The following ADCY2 variants were observed in gnomAD, a reference collection of about 807,000 sequenced individuals.
The protein encoded by ADCY2 is adenylate cyclase 2.
In ADCY2, 31 loss-of-function variants were observed where a neutral mutation model predicts 125.2. That is an observed-to-expected ratio of 0.25 (90% CI 0.19 to 0.33). The LOEUF (loss-of-function observed/expected upper bound fraction) is 0.33, where lower values mean the gene tolerates loss of function less well. Among genes scored for constraint, ADCY2 ranks in the 10% least tolerant of loss-of-function variants. The pLI is 1.00. For synonymous variants in ADCY2, 512 were observed against 548.4 expected, an observed-to-expected ratio of 0.93 and a Z score of 0.93; for missense variants, 904 against 1,418.2, an observed-to-expected ratio of 0.64 and a Z score of 5.82.
chr5:7,519,274 A>G (rs16878741), intron 2 of ADCY2, among the ~76,000 whole-genome samples: 19,802 of 152,230 alleles, frequency 0.13, 1,478 homozygotes, highest in African/African-American at 0.18. Context: ...TAAATCCGTC[A>G]GGAGCCTAGC....
At chr5:7,739,837 G>A (rs1168279841) in intron 14 of ADCY2, among the ~76,000 whole-genome samples, 1 of 151,858 alleles carries the variant, frequency 6.6e-6, no homozygotes, top group African/African-American at 2.4e-5. Flanking sequence ...TGAGTTTCTT[G>A]AAAAGACTAT....
chr5:7,669,490 T>C (rs540117545), intron 4 of ADCY2, among the ~76,000 whole-genome samples: 10 of 152,324 alleles, frequency 6.6e-5, no homozygotes, highest in Non-Finnish European at 1.2e-4. Flanking sequence ...TTGGTATCCC[T>C]GGCCAAGGAA....
At chr5:7,711,411 T>C (rs904352318) in intron 10 of ADCY2, among the ~76,000 whole-genome samples, 1 of 152,210 alleles carries the variant, frequency 6.6e-6, no homozygotes, top group Non-Finnish European at 1.5e-5. Flanking sequence ...TTGGGATTTA[T>C]TGTACATCAG....
At chr5:7,752,803 C>T (rs1159895531) in intron 15 of ADCY2, among the ~76,000 whole-genome samples, 8 of 151,476 alleles carry the variant, frequency 5.3e-5, no homozygotes, top group Non-Finnish European at 7.4e-5. Context: ...TCTGCATGTA[C>T]TGGATTAAGA....
At chr5:7,637,696 T>G (rs1160139897) in intron 4 of ADCY2, among the ~76,000 whole-genome samples, 1 of 152,070 alleles carries the variant, frequency 6.6e-6, no homozygotes, top group African/African-American at 2.4e-5. Flanking sequence ...AGACAAAAAT[T>G]CAAGCCTCTA....
intron 2 of ADCY2, among the ~76,000 whole-genome samples, chr5:7,419,016 C>T (rs533071558): frequency 3.6e-4 from 55 of 152,218 alleles, no homozygotes; most frequent in Non-Finnish European, 5.9e-4. Flanking sequence ...GGAAGTGTTG[C>T]GGCACGTTCA....
intron 3 of ADCY2, among the ~76,000 whole-genome samples, chr5:7,580,092 G>A (rs140351025): frequency 6.6e-6 from 1 of 152,252 alleles, no homozygotes; most frequent in Non-Finnish European, 1.5e-5. Context: ...GACCCTAGGA[G>A]CTACTAGAAG....
intron 6 of ADCY2, among the ~76,000 whole-genome samples, chr5:7,697,570 A>G (rs1253613317): frequency 6.6e-6 from 1 of 152,230 alleles, no homozygotes; most frequent in Admixed American, 6.5e-5. Flanking sequence ...ATTTATAGAA[A>G]CAAATATAGG....
chr5:7,763,510 A>G (rs570811735), intron 16 of ADCY2, among the ~76,000 whole-genome samples: 2 of 152,254 alleles, frequency 1.3e-5, no homozygotes, highest in Admixed American at 6.5e-5. Flanking sequence ...CATCACTACC[A>G]TCTATCTCCA....
intron 2 of ADCY2, among the ~76,000 whole-genome samples, chr5:7,517,326 A>T (rs1744286880): frequency 1.3e-5 from 2 of 152,208 alleles, no homozygotes; most frequent in African/African-American, 4.8e-5. Context: ...GAATGTCCCC[A>T]TGGTAACATG....
At chr5:7,582,919 T>G (rs1736484344) in intron 3 of ADCY2, among the ~76,000 whole-genome samples, 1 of 152,104 alleles carries the variant, frequency 6.6e-6, no homozygotes, top group Non-Finnish European at 1.5e-5. Flanking sequence ...AAACTGTCTT[T>G]TTCATAGATC....
chr5:7,576,033 T>C (rs1387567996), intron 3 of ADCY2, among the ~76,000 whole-genome samples: 1 of 152,178 alleles, frequency 6.6e-6, no homozygotes, highest in East Asian at 1.9e-4. Context: ...ACTGAAATAT[T>C]TTGAAATTGG....
At chr5:7,821,339 T>A (rs1374239955) in intron 24 of ADCY2, among the ~76,000 whole-genome samples, 1 of 152,170 alleles carries the variant, frequency 6.6e-6, no homozygotes, top group Non-Finnish European at 1.5e-5. Context: ...TATTTTAAAA[T>A]CACTGAAAAG....
intron 4 of ADCY2, among the ~76,000 whole-genome samples, chr5:7,686,882 T>A (rs1001026049): frequency 6.6e-6 from 1 of 152,228 alleles, no homozygotes. Context: ...TTCACCACTT[T>A]TGAGCTCAGG....
intron 1 of ADCY2, among the ~76,000 whole-genome samples, chr5:7,406,907 C>G (rs558053266): frequency 6.6e-6 from 1 of 152,200 alleles, no homozygotes; most frequent in Non-Finnish European, 1.5e-5. Context: ...GTCTGTCTCT[C>G]TCTCTTTCAG....
At chr5:7,466,878 A>T (rs1178444292) in intron 2 of ADCY2, among the ~76,000 whole-genome samples, 1 of 152,094 alleles carries the variant, frequency 6.6e-6, no homozygotes, top group Non-Finnish European at 1.5e-5. Flanking sequence ...CACCCACCCC[A>T]TGAGGCACAG....
chr5:7,538,414 G>A, intron 3 of ADCY2, among the ~76,000 whole-genome samples: 1 of 152,154 alleles, frequency 6.6e-6, no homozygotes, highest in East Asian at 1.9e-4. Context: ...GTAATTCCCA[G>A]CTAAATGCTT....
intron 16 of ADCY2, among the ~76,000 whole-genome samples, chr5:7,765,346 C>A (rs1743345434): frequency 6.6e-6 from 1 of 152,064 alleles, no homozygotes; most frequent in Non-Finnish European, 1.5e-5. Context: ...CCTTTTGGAG[C>A]CTGATGTTTG....
intron 3 of ADCY2, among the ~76,000 whole-genome samples, chr5:7,557,201 A>ATATATATATATATAT: frequency 4.3e-5 from 6 of 140,050 alleles, no homozygotes; most frequent in African/African-American, 1.6e-4. Flanking sequence ...TGATATATAT[A>ATATATATATATATAT]ACTCAAGTGA....
Sources: allele counts gnomAD v4.1 joint callset (sites outside exome capture counted in the v4.1 genomes callset), GRCh38; gene constraint gnomAD v4.1.1; transcripts MANE v1.5; gene names NCBI Gene and HGNC (gene_info 2026-07-23, HGNC 2026-07-21).